Variants in TMEM207 observed in about 807,000 individuals in gnomAD.
TMEM207 encodes transmembrane protein 207, also known as SRSR846.
Under a neutral mutation model 17.4 loss-of-function variants are expected in TMEM207, and 15 were observed. The ratio of observed to expected loss-of-function variants is 0.86; its 90% CI spans 0.58 to 1.33. The LOEUF (loss-of-function observed/expected upper bound fraction) is 1.33. TMEM207 is among the 40% of genes most tolerant of loss of function. TMEM207 has a pLI of 0.00. For synonymous variants in TMEM207, 70 were observed against 65.6 expected, an observed-to-expected ratio of 1.07 and a Z score of -0.33; for missense variants, 205 against 173.8, an observed-to-expected ratio of 1.18 and a Z score of -1.01.
chr3:190,441,610 C>A, intron 2 of TMEM207, 128 bp from the exon 3 acceptor site: 1 of 680,384 alleles, frequency 1.5e-6, no homozygotes, highest in South Asian at 1.9e-5. Flanking sequence ...CCCATACCAG[C>A]CCATATCGTC....
At chr3:190,434,657 C>T (rs78020554) in intron 4 of TMEM207, among the ~76,000 whole-genome samples, 4,555 of 152,224 alleles carry the variant, frequency 0.03, 168 homozygotes, top group South Asian at 0.11. Context: ...CTGAACAAAA[C>T]ATACCCACAT....
chr3:190,445,044 G>A (rs897281216), intron 2 of TMEM207, among the ~76,000 whole-genome samples: 1 of 152,140 alleles, frequency 6.6e-6, no homozygotes, highest in African/African-American at 2.4e-5. Flanking sequence ...TTGATTAAAT[G>A]TTGGATATAC....
Position 190,429,643 on chromosome 3 carries a change from G to A in TMEM207, c.393C>T (p.Gly131=), listed in dbSNP as rs770737653. The A allele has an allele frequency of 6.8e-6, 11 of 1,613,464 alleles. No individual in the cohort carries two copies. In the Admixed American group the frequency reaches 1.8e-4, roughly 27 times the overall value. ...CATATGGAGGTGGGGAGCCTAAAGG[G>A]CCAAAACATGGAGCAGGAACAGGAT... ...DLYPVPAPCF[G]PLGSPPPYEE... Residue 131 remains glycine (G), a synonymous_variant, in exon 5 of 5, where the codon GGC becomes GGT. Transcript: ENST00000354905.
At chr3:190,440,200 C>T in intron 4 of TMEM207, 44 bp downstream of exon 4, 1 of 1,565,700 alleles carries the variant, frequency 6.4e-7, no homozygotes, top group Non-Finnish European at 8.6e-7. Context: ...ACCGCAAAAC[C>T]ACAAAGTATC....
Position 190,447,836 on chromosome 3 carries a change from CAT to C in TMEM207, c.76-11_76-10del, listed in dbSNP as rs774441128. Reference sequence around the variant, plus strand: ...AGGTCCGAGAGCACCAACTGAAACACATGTTTAGAACAATAAAATCCAAACAT... The same window carrying C: ...AGGTCCGAGAGCACCAACTGAAACACGTTTAGAACAATAAAATCCAAACAT... On this transcript the variant is annotated splice_polypyrimidine_tract_variant and intron_variant, in intron 1 of 4. Transcript: ENST00000354905. 11 of 1,611,970 alleles carry C rather than the reference CAT, an allele frequency of 6.8e-6. No homozygotes were observed. Among genetic ancestry groups the C allele is most frequent in the East Asian group, 2.2e-5 (1 of 44,796 alleles).
intron 4 of TMEM207, among the ~76,000 whole-genome samples, chr3:190,438,221 A>T (rs928562681): frequency 6.6e-6 from 1 of 151,994 alleles, no homozygotes; most frequent in Non-Finnish European, 1.5e-5. Flanking sequence ...CATTGTGCAC[A>T]TGTACCCTAA....
chr3:190,442,952 C>T (rs1378848892), intron 2 of TMEM207, among the ~76,000 whole-genome samples: 1 of 152,192 alleles, frequency 6.6e-6, no homozygotes, highest in Non-Finnish European at 1.5e-5. Context: ...GAAGTGCCCA[C>T]TTCTCTTGAA....
rs754527368 is a variant in TMEM207 at position 190,449,857 on chromosome 3, T to C, written c.-48A>G. On this transcript the variant is annotated 5_prime_UTR_variant, in exon 1 of 5. Coordinates refer to ENST00000354905, the MANE Select transcript of TMEM207 (RefSeq NM_207316.3). Reference sequence around the variant, plus strand: ...GATAGTGGTTTGGTGCCTGTGTTTATTTCCTTCTTTCTCAGAACTTACTAG... The same window carrying C: ...GATAGTGGTTTGGTGCCTGTGTTTACTTCCTTCTTTCTCAGAACTTACTAG... 1 of 1,545,762 alleles carries C rather than the reference T, an allele frequency of 6.5e-7. No individual in the cohort carries two copies. The highest frequency in any genetic ancestry group is 8.9e-7 in the Non-Finnish European group (1 of 1,118,718).
intron 2 of TMEM207, among the ~76,000 whole-genome samples, chr3:190,446,823 A>G (rs955631245): frequency 6.6e-6 from 1 of 152,232 alleles, no homozygotes; most frequent in Non-Finnish European, 1.5e-5. Flanking sequence ...CAAAGGCAGA[A>G]GATGAGGAGA....
Position 190,440,315 on chromosome 3 carries a change from C to T in TMEM207, c.233G>A (p.Arg78Lys). ...CCTGTGAGAATCAATTCGGGGTCTC[C>T]TCAGCCAGCACTGGAGGCAGAGGAC... ...AVVLCLQCWL[R>K]RPRIDSHRRT... is the part of the protein sequence containing the mutation. Residue 78 changes from arginine to lysine, a missense_variant, in exon 4 of 5, where the codon AGG (arginine) becomes AAG (lysine). Physicochemically the swap from Arg to Lys is conservative, Grantham distance 26 (BLOSUM62 2). Transcript: ENST00000354905. 1 of 1,614,082 alleles carries T rather than the reference C, an allele frequency of 6.2e-7. No homozygotes were observed. Among genetic ancestry groups the T allele is most frequent in the Non-Finnish European group, 8.5e-7 (1 of 1,180,014 alleles).
intron 2 of TMEM207, among the ~76,000 whole-genome samples, chr3:190,441,796 G>A (rs1719943081): frequency 6.6e-6 from 1 of 152,196 alleles, no homozygotes; most frequent in South Asian, 2.1e-4. Flanking sequence ...TAACTCTTCA[G>A]GGACAACAAA....
intron 1 of TMEM207, among the ~76,000 whole-genome samples, chr3:190,449,322 G>C (rs995114181): frequency 6.6e-6 from 1 of 152,146 alleles, no homozygotes; most frequent in Non-Finnish European, 1.5e-5. Context: ...ATCCTAAAAT[G>C]GTTCTGTCTA....
chr3:190,443,139 A>G (rs1435995517), intron 2 of TMEM207, among the ~76,000 whole-genome samples: 2 of 142,034 alleles, frequency 1.4e-5, no homozygotes, highest in African/African-American at 2.7e-5. Context: ...GACACAATTA[A>G]AAAAGCTTTT....
intron 2 of TMEM207, among the ~76,000 whole-genome samples, chr3:190,444,198 GA>G: frequency 6.6e-6 from 1 of 152,204 alleles, no homozygotes; most frequent in East Asian, 1.9e-4. Context: ...AACTTCATGT[GA>G]AATAACGGAC....
chr3:190,434,362 G>C (rs1719756080), intron 4 of TMEM207, among the ~76,000 whole-genome samples: 1 of 152,078 alleles, frequency 6.6e-6, no homozygotes. Flanking sequence ...GTAGTGAATA[G>C]GTCTCATAAG....
At chr3:190,442,793 T>C (rs1352674373) in intron 2 of TMEM207, among the ~76,000 whole-genome samples, 1 of 152,180 alleles carries the variant, frequency 6.6e-6, no homozygotes. Context: ...TATTATTCAA[T>C]CATCAAAAAT....
chr3:190,442,592 T>C (rs1719958513), intron 2 of TMEM207, among the ~76,000 whole-genome samples: 1 of 152,208 alleles, frequency 6.6e-6, no homozygotes, highest in Non-Finnish European at 1.5e-5. Flanking sequence ...TCTCTGCGTC[T>C]TTTTCTTTTG....
chr3:190,434,443 C>T (rs1002137568), intron 4 of TMEM207, among the ~76,000 whole-genome samples: 1 of 152,158 alleles, frequency 6.6e-6, no homozygotes, highest in South Asian at 2.1e-4. Context: ...TGCCATCCAT[C>T]TAAGATGTGA....
At chr3:190,443,145 CT>C (rs201791052) in intron 2 of TMEM207, among the ~76,000 whole-genome samples, 1,967 of 140,318 alleles carry the variant, frequency 0.014, 32 homozygotes, top group African/African-American at 0.044. Flanking sequence ...ATTAAAAAAG[CT>C]TTTTTTTTTT....
Sources: gnomAD v4.1 joint callset for allele counts (sites outside exome capture counted in the v4.1 genomes callset) on GRCh38, gnomAD v4.1.1 for gene constraint, MANE v1.5 for transcripts, NCBI Gene and HGNC (gene_info 2026-07-23, HGNC 2026-07-21) for gene names.